HIVEP3: variants seen among roughly 807,000 people sequenced by gnomAD.
The protein encoded by HIVEP3 is transcription factor HIVEP3.
A neutral mutation model predicts 152.8 loss-of-function variants in HIVEP3; 49 were observed. The ratio of observed to expected loss-of-function variants is 0.32; its 90% confidence interval spans 0.26 to 0.41. HIVEP3 has a LOEUF of 0.41. Among genes scored for constraint, HIVEP3 ranks in the 10% least tolerant of loss-of-function variants. The probability of loss-of-function intolerance (pLI) is 1.00; values close to 1 mark genes in which losing one functional copy is unlikely to be tolerated. For synonymous variants in HIVEP3, 1,269 were observed against 1,289.0 expected, an observed-to-expected ratio of 0.98 and a Z score of 0.33; for missense variants, 2,790 against 3,103.3, an observed-to-expected ratio of 0.90 and a Z score of 2.40.
chr1:41,596,639 C>A (rs751583399), intron 3 of HIVEP3, among the ~76,000 whole-genome samples: 1 of 152,240 alleles, frequency 6.6e-6, no homozygotes, highest in Admixed American at 6.5e-5. Context: ...TAACTGACCA[C>A]CTACCATGCC....
intron 5 of HIVEP3, among the ~76,000 whole-genome samples, chr1:41,567,049 T>A (rs1644174735): frequency 6.6e-6 from 1 of 152,102 alleles, no homozygotes; most frequent in South Asian, 2.1e-4. Flanking sequence ...TCCCTGAACA[T>A]CTCCACTTGG....
intron 1 of HIVEP3, among the ~76,000 whole-genome samples, chr1:42,000,373 G>A (rs1645420495): frequency 6.6e-6 from 1 of 152,192 alleles, no homozygotes; most frequent in Non-Finnish European, 1.5e-5. Context: ...ACCAGCCACT[G>A]TAAATGGAGG....
rs143255424 is a variant in HIVEP3 at position 41,644,856 on chromosome 1, C to G, written c.-720-15909G>C. Among the ~76,000 whole-genome samples the G allele has an allele frequency of 3.3e-3, 505 of 152,200 alleles. 1 individual carries two copies. Among genetic ancestry groups the G allele is most frequent in the African/African-American group, 9.9e-3 (411 of 41,490 alleles). ...TGGCTCCCAGGATATTATACCACAG[C>G]TGGCCCAGGTCGTTGGCCTAGGAGC... On this transcript the variant is annotated intron_variant, in intron 2 of 8. Transcript: ENST00000372583.
chr1:41,523,259 G>A (rs1642811133), intron 6 of HIVEP3, among the ~76,000 whole-genome samples: 1 of 152,234 alleles, frequency 6.6e-6, no homozygotes, highest in African/African-American at 2.4e-5. Flanking sequence ...GGGCAGGGCT[G>A]CAGGGATGGA....
At chr1:41,704,009 T>C (rs150007846) in intron 1 of HIVEP3, among the ~76,000 whole-genome samples, 15 of 152,334 alleles carry the variant, frequency 9.8e-5, no homozygotes, top group Non-Finnish European at 1.6e-4. Context: ...TGTCACTCAC[T>C]AGTTGTATAC....
intron 5 of HIVEP3, among the ~76,000 whole-genome samples, chr1:41,557,295 G>A (rs543460263): frequency 6.6e-6 from 1 of 152,336 alleles, no homozygotes; most frequent in African/African-American, 2.4e-5. Flanking sequence ...CTGGGAGGAG[G>A]TGGCTGGATA....
At chr1:41,626,291 C>T (rs867002738) in intron 3 of HIVEP3, among the ~76,000 whole-genome samples, 1 of 152,222 alleles carries the variant, frequency 6.6e-6, no homozygotes, top group Non-Finnish European at 1.5e-5. Context: ...CAGCAGTGGC[C>T]GTGATCACCT....
At chr1:41,845,281 C>G (rs1643405501) in intron 1 of HIVEP3, among the ~76,000 whole-genome samples, 1 of 152,082 alleles carries the variant, frequency 6.6e-6, no homozygotes, top group Non-Finnish European at 1.5e-5. Flanking sequence ...TCCTCTATCT[C>G]CTGGGTCTAC....
chr1:41,877,881 T>A (rs889496198), intron 1 of HIVEP3, among the ~76,000 whole-genome samples: 26 of 152,316 alleles, frequency 1.7e-4, no homozygotes, highest in African/African-American at 6.3e-4. Flanking sequence ...GATAATCAGA[T>A]AATTTAAATC....
At chr1:41,767,117 C>T (rs1285044714) in intron 1 of HIVEP3, among the ~76,000 whole-genome samples, 1 of 152,220 alleles carries the variant, frequency 6.6e-6, no homozygotes, top group Non-Finnish European at 1.5e-5. Flanking sequence ...CTGAACCTCT[C>T]ATCTTCTGTC....
chr1:41,883,637 C>T (rs1214585344), intron 1 of HIVEP3, among the ~76,000 whole-genome samples: 2 of 152,238 alleles, frequency 1.3e-5, no homozygotes, highest in Non-Finnish European at 2.9e-5. Context: ...TGTGACCCCA[C>T]AGGATCGAGC....
intron 1 of HIVEP3, among the ~76,000 whole-genome samples, chr1:42,025,887 T>C (rs1312777274): frequency 6.6e-6 from 1 of 151,976 alleles, no homozygotes. Context: ...CTGGGCAACA[T>C]GGCAAAACCC....
chr1:41,740,070 A>G lies in HIVEP3; in HGVS notation c.-800-39075T>C, dbSNP rs972579119. ...GTAACTTGCCCAAAGTCACACAGCT[A>G]AGAAGTGGCAGATCCAGGACTCAAA... is the stretch of plus-strand genomic sequence containing the variant. On this transcript the variant is annotated intron_variant, in intron 1 of 8. Transcript: ENST00000372583. 3.9e-5 allele frequency among the ~76,000 whole-genome samples: 6 copies of G among 152,256 alleles called. No individual in the cohort carries two copies. In the East Asian group the frequency reaches 1.2e-3, roughly 29 times the overall value.
At chr1:41,661,817 C>A (rs1171416699) in intron 2 of HIVEP3, among the ~76,000 whole-genome samples, 1 of 152,208 alleles carries the variant, frequency 6.6e-6, no homozygotes, top group African/African-American at 2.4e-5. Flanking sequence ...AACGGCCGTG[C>A]CAGGCGCGAG....
At chr1:41,744,323 G>A (rs1647039386) in intron 1 of HIVEP3, among the ~76,000 whole-genome samples, 1 of 152,216 alleles carries the variant, frequency 6.6e-6, no homozygotes, top group African/African-American at 2.4e-5. Flanking sequence ...ACAGGTGTGA[G>A]CCATCACGCC....
rs111508902 is a variant in HIVEP3, at chr1:42,015,370, A to G, written n.119+20437T>C. Among the ~76,000 whole-genome samples, 954 of 152,306 alleles carry G rather than the reference A, an allele frequency of 6.3e-3. 9 individuals are homozygous for G. Among genetic ancestry groups the G allele is most frequent in the African/African-American group, 0.022 (917 of 41,548 alleles). On this transcript the variant is annotated intron_variant and non_coding_transcript_variant, in intron 1 of 3. Coordinates refer to the HIVEP3 transcript ENST00000489103. ...CAGGGCCTTACTCAGTGAGTGCCAA[A>G]GCCTCTGAGCCTTGCCTAAATACAG...
intron 1 of HIVEP3, among the ~76,000 whole-genome samples, chr1:41,751,769 T>C (rs1472081759): frequency 3.3e-5 from 5 of 152,244 alleles, no homozygotes; most frequent in South Asian, 2.1e-4. Context: ...ATGCTTCCCA[T>C]AGGCACAGCA....
At chr1:41,947,787 TG>T (rs1400471116) in intron 1 of HIVEP3, among the ~76,000 whole-genome samples, 1 of 152,224 alleles carries the variant, frequency 6.6e-6, no homozygotes, top group African/African-American at 2.4e-5. Flanking sequence ...GGCAAAGGGT[TG>T]GCCTCATTGT....
Position 41,581,330 on chromosome 1 carries a change from T to C in HIVEP3, c.3468A>G (p.Pro1156=), listed in dbSNP as rs895444015. The change falls in exon 4 of 9, where the codon CCA becomes CCG. Residue 1156 remains proline, a synonymous_variant. Transcript: ENST00000372583. This position sits in a 1 kb window ranked among gnomAD's most constrained non-coding sequence, Gnocchi z 4.5. ...TGGAGAAGAATTCTGGAGACTGTCCTGGCTCATGCTGCACGAGATGCTGGA... is the reference window on the plus strand; with the variant it reads ...TGGAGAAGAATTCTGGAGACTGTCCCGGCTCATGCTGCACGAGATGCTGGA... ...FSFQHLVQHE[P]GQSPEFFSTQ... The C allele has an allele frequency of 6.2e-7, 1 of 1,613,564 alleles. No homozygotes were observed. The highest frequency in any genetic ancestry group is 1.3e-5 in the African/African-American group (1 of 74,868).
Sources: gnomAD v4.1 joint callset for allele counts (sites outside exome capture counted in the v4.1 genomes callset) on GRCh38, gnomAD v4.1.1 for gene constraint, Gnocchi (gnomAD v3.1) non-coding constraint, MANE v1.5 for transcripts, NCBI Gene and HGNC (gene_info 2026-07-23, HGNC 2026-07-21) for gene names.